Variants in P2RX7 observed in about 807,000 individuals in gnomAD.
P2RX7 encodes the protein P2X purinoceptor 7.
P2RX7 carries 62 observed loss-of-function variants against 71.6 expected under a neutral mutation model. The observed-to-expected ratio is 0.87, with a 90% CI of 0.71 to 1.07. The LOEUF is 1.07. Among genes scored for constraint, P2RX7 ranks in the 50% least tolerant of loss-of-function variants. P2RX7 has a pLI of 0.00. For missense variants in P2RX7, 686 were observed against 748.5 expected (o/e 0.92, Z 0.97); for synonymous variants, 299 against 283.3 (o/e 1.06, Z -0.56).
chr12:121,165,653 G>C (rs1880862236), intron 6 of P2RX7, among the ~76,000 whole-genome samples: 1 of 152,198 alleles, frequency 6.6e-6, no homozygotes, highest in African/African-American at 2.4e-5. Context: ...AGGCTTGACT[G>C]GGGCTGGAGA....
At chr12:121,140,826 G>A (rs1339777131) in intron 1 of P2RX7, among the ~76,000 whole-genome samples, 7 of 152,250 alleles carry the variant, frequency 4.6e-5, no homozygotes, top group South Asian at 2.1e-4. Context: ...GTGGCTCAAC[G>A]CCTGTAATCC....
At position 121,177,170 on chromosome 12, in the gene P2RX7, G is replaced by C. The variant is rs201616262; in HGVS notation, c.996G>C (p.Gln332His). The C allele has an allele frequency of 2.5e-6, 4 of 1,614,192 alleles. No homozygotes were observed. Among genetic ancestry groups the C allele is most frequent in the Admixed American group, 3.3e-5 (2 of 60,024 alleles). ...FGTGGKFDIIQLVVYIGSTLS... is the reference protein window; with the variant it reads ...FGTGGKFDIIHLVVYIGSTLS... ...AGGGAGGAAAATTTGACATTATCCAGCTGGTTGTGTACATCGGCTCAACCC... is the reference window on the plus strand; with the variant it reads ...AGGGAGGAAAATTTGACATTATCCACCTGGTTGTGTACATCGGCTCAACCC... Residue 332 changes from glutamine to histidine, a missense_variant, in exon 10 of 13, where the codon CAG (glutamine) becomes CAC (histidine). Physicochemically the swap from Gln to His is conservative, Grantham distance 24. Transcript: ENST00000328963.
At position 121,175,392 on chromosome 12, in the gene P2RX7, G is replaced by A. The variant is rs199645159; in HGVS notation, c.886G>A (p.Ala296Thr). ...CAGATCCTTTTCTTCCTACAGATAC[G>A]CCAAGTACTACAAGGAAAACAATGT... ...SLYPGYNFRY[A>T]KYYKENNVEK... The change falls in exon 9 of 13, where the codon GCC becomes ACC. Residue 296 changes from alanine to threonine, a missense_variant. Coordinates refer to ENST00000328963, the MANE Select transcript of P2RX7 (RefSeq NM_002562.6). The A allele has an allele frequency of 6.0e-5, 96 of 1,591,954 alleles. No homozygotes were observed. The Middle Eastern group carries it at 2.0e-3, about 33-fold the overall frequency.
chr12:121,161,334 A>G (rs1879646652), intron 4 of P2RX7, among the ~76,000 whole-genome samples: 1 of 152,202 alleles, frequency 6.6e-6, no homozygotes, highest in African/African-American at 2.4e-5. Context: ...ACCTGGCAGC[A>G]ATACCCATAT....
At chr12:121,139,733 CT>C (rs10696338) in intron 1 of P2RX7, among the ~76,000 whole-genome samples, 2,607 of 126,656 alleles carry the variant, frequency 0.021, 83 homozygotes, top group African/African-American at 0.077. Context: ...CCCTGACCAT[CT>C]TTTTTTTTTT....
intron 8 of P2RX7, among the ~76,000 whole-genome samples, chr12:121,174,786 G>A (rs1458397462): frequency 6.6e-6 from 1 of 151,468 alleles, no homozygotes; most frequent in African/African-American, 2.4e-5. Context: ...TCCTGTGTTG[G>A]TTTAAAATGT....
At chr12:121,179,361 A>G (rs767985187) in intron 11 of P2RX7, among the ~76,000 whole-genome samples, 2 of 151,896 alleles carry the variant, frequency 1.3e-5, no homozygotes, top group Admixed American at 6.6e-5. Flanking sequence ...TTAGCCAGGC[A>G]TGGTGGCGCA....
chr12:121,134,678 C>T (rs540802517), intron 1 of P2RX7, among the ~76,000 whole-genome samples: 1 of 152,320 alleles, frequency 6.6e-6, no homozygotes, highest in African/African-American at 2.4e-5. Flanking sequence ...AGGCATGAGC[C>T]GCCACGCCCG....
chr12:121,165,465 T>G, intron 6 of P2RX7, 28 bp downstream of exon 6: 2 of 1,552,350 alleles, frequency 1.3e-6, no homozygotes, highest in Non-Finnish European at 1.8e-6. Context: ...CTGGCTGTCT[T>G]AGTTATCTAC....
At position 121,187,247 on chromosome 12, in the gene P2RX7, T is replaced by A. The variant is rs180728248; in HGVS notation, c.*2445T>A. ...TATGTTCTAAGAGTTACCATTTTGA[T>A]ACCTTTTAAAAACCAGCAGCTTTCT... On this transcript the variant is annotated 3_prime_UTR_variant, in exon 13 of 13. Coordinates refer to ENST00000328963, the MANE Select transcript of P2RX7 (RefSeq NM_002562.6). 6.6e-6 allele frequency: 1 copy of A among 152,360 alleles called. No individual in the cohort carries two copies. Among genetic ancestry groups the A allele is most frequent in the African/African-American group, 2.4e-5 (1 of 41,586 alleles). 9.4% of individuals were successfully genotyped at this position (152,360 alleles called of 1,614,324 possible).
intron 3 of P2RX7, among the ~76,000 whole-genome samples, chr12:121,157,383 A>G (rs35237790): frequency 0.047 from 7,115 of 152,304 alleles, 207 homozygotes; most frequent in South Asian, 0.078. Flanking sequence ...AACCAAGATA[A>G]CATTCCCTTG....
chr12:121,178,041 T>C (rs1883461406), intron 11 of P2RX7, among the ~76,000 whole-genome samples: 1 of 151,998 alleles, frequency 6.6e-6, no homozygotes, highest in African/African-American at 2.4e-5. Context: ...ATTAAATTGG[T>C]ATAGCCAAAA....
intron 4 of P2RX7, 129 bp from the exon 5 acceptor site, chr12:121,162,295 T>C (rs2136072530): frequency 6.9e-7 from 1 of 1,457,424 alleles, no homozygotes; most frequent in South Asian, 1.4e-5. Context: ...AAGCTGAAGC[T>C]GCGTGGGTTG....
intron 12 of P2RX7, among the ~76,000 whole-genome samples, chr12:121,182,061 T>TAG (rs1555230977): frequency 7.8e-6 from 1 of 128,944 alleles, no homozygotes; most frequent in African/African-American, 2.9e-5. Flanking sequence ...AAGCTCCATC[T>TAG]AAAAAAAAAA....
At chr12:121,155,491 A>G (rs1878391579) in intron 2 of P2RX7, 9 of 941,108 alleles carry the variant, frequency 9.6e-6, no homozygotes, top group Non-Finnish European at 1.3e-5. Flanking sequence ...CAGAATTGCC[A>G]AAAAAGAGAA....
rs1593049418 is a variant in P2RX7, at chr12:121,154,848, C to A, written c.189C>A (p.Thr63=). The A allele has an allele frequency of 6.2e-7, 1 of 1,614,196 alleles. No individual in the cohort carries two copies. The highest frequency in any genetic ancestry group is 1.1e-5 in the South Asian group (1 of 91,088). ...AGCCTGTCATCAGTTCTGTGCACAC[C>A]AAGGTGAAGGGGATAGCAGAGGTGA... ...RKEPVISSVH[T]KVKGIAEVKE... Residue 63 remains threonine (T), a synonymous_variant, in exon 2 of 13, where the codon ACC becomes ACA. Transcript: ENST00000328963. The surrounding 1 kb of genome is among the most constrained non-coding windows in gnomAD (Gnocchi z 4.2).
At position 121,162,980 on chromosome 12, in the gene P2RX7, G is replaced by GA. The variant is rs565960851; in HGVS notation, c.533+460_533+461insA. Among the ~76,000 whole-genome samples, 53 of 151,542 alleles carry GA rather than the reference G, an allele frequency of 3.5e-4. No homozygotes were observed. The East Asian group carries it at 5.8e-3, about 17-fold the overall frequency. On this transcript the variant is annotated intron_variant, in intron 5 of 12. Transcript: ENST00000328963. ...CAAAAGGGGTGAGGGTAAAAGAGGG[G>GA]GGGAAGGAAGTTTTCTCAGATTAAA...
chr12:121,184,273 T>C, intron 12 of P2RX7, 32 bp from the exon 13 acceptor site: 6 of 1,543,980 alleles, frequency 3.9e-6, no homozygotes, highest in Non-Finnish European at 2.6e-6. Flanking sequence ...GGGCTTGTCA[T>C]GGCTAATAGG....
At chr12:121,133,736 C>T (rs148807698) in intron 1 of P2RX7, among the ~76,000 whole-genome samples, 1 of 152,292 alleles carries the variant, frequency 6.6e-6, no homozygotes, top group Non-Finnish European at 1.5e-5. Flanking sequence ...AACACTGTTC[C>T]TCCTCCTTCC....
Sources: allele counts gnomAD v4.1 joint callset (sites outside exome capture counted in the v4.1 genomes callset), GRCh38; gene constraint gnomAD v4.1.1; non-coding constraint Gnocchi (gnomAD v3.1); transcripts MANE v1.5; gene names NCBI Gene and HGNC (gene_info 2026-07-23, HGNC 2026-07-21).